The following SNTB2 variants were observed in gnomAD, a reference collection of about 807,000 sequenced individuals.
SNTB2 encodes the protein beta-2-syntrophin.
A neutral mutation model predicts 46.2 loss-of-function variants in SNTB2; 34 were observed. The ratio of observed to expected loss-of-function variants is 0.74; its 90% confidence interval spans 0.56 to 0.98. SNTB2 has a LOEUF of 0.98. SNTB2 is among the 50% of genes least tolerant of loss of function. The probability of loss-of-function intolerance (pLI) is 0.00; values close to 1 mark genes in which losing one functional copy is unlikely to be tolerated. For synonymous variants in SNTB2, 290 were observed against 312.6 expected (o/e 0.93, Z 0.76); for missense variants, 603 against 731.4 (o/e 0.82, Z 2.02).
At chr16:69,264,981 G>A (rs894600624) in intron 3 of SNTB2, among the ~76,000 whole-genome samples, 1 of 152,232 alleles carries the variant, frequency 6.6e-6, no homozygotes, top group African/African-American at 2.4e-5. Flanking sequence ...CGGGCACGGT[G>A]GCTCATGCCT....
At chr16:69,289,149 A>G (rs1260288677) in intron 5 of SNTB2, among the ~76,000 whole-genome samples, 1 of 151,924 alleles carries the variant, frequency 6.6e-6, no homozygotes, top group Admixed American at 6.6e-5. Flanking sequence ...CATGCCTGTA[A>G]TCCCTGCTAC....
intron 4 of SNTB2, among the ~76,000 whole-genome samples, chr16:69,282,801 A>G (rs781306974): frequency 2.6e-5 from 4 of 152,318 alleles, no homozygotes; most frequent in East Asian, 1.9e-4. Flanking sequence ...TAGAGATTCT[A>G]TACATATTTT....
chr16:69,198,047 A>G (rs771922957), intron 1 of SNTB2, among the ~76,000 whole-genome samples: 11 of 152,060 alleles, frequency 7.2e-5, no homozygotes, highest in Non-Finnish European at 1.3e-4. Flanking sequence ...ATTCTTCACC[A>G]GAGATGTTTT....
chr16:69,194,394 G>GT (rs986542306), intron 1 of SNTB2, among the ~76,000 whole-genome samples: 15 of 152,066 alleles, frequency 9.9e-5, no homozygotes, highest in Non-Finnish European at 2.1e-4. Context: ...TTTTGTAGCT[G>GT]TAACATTTAA....
chr16:69,209,383 T>A lies in SNTB2; in HGVS notation c.580+21637T>A, dbSNP rs546521598. 2.0e-5 allele frequency among the ~76,000 whole-genome samples: 3 copies of A among 152,364 alleles called. No homozygotes were observed. The South Asian group carries it at 6.2e-4, about 32-fold the overall frequency. ...TACCAATTCCATTATTATCTGTGTGTATACATGCCTTTTACTATAAGCTTG... is the reference window on the plus strand; with the variant it reads ...TACCAATTCCATTATTATCTGTGTGAATACATGCCTTTTACTATAAGCTTG... On this transcript the variant is annotated intron_variant, in intron 1 of 6. Coordinates refer to ENST00000336278, the MANE Select transcript of SNTB2 (RefSeq NM_006750.4).
rs185426805 is a variant in SNTB2, at chr16:69,257,487, C to G, written c.795-2563C>G. Among the ~76,000 whole-genome samples the G allele has an allele frequency of 4.8e-3, 727 of 151,740 alleles. 3 individuals are homozygous for G. The highest frequency in any genetic ancestry group is 0.017 in the African/African-American group (709 of 41,400). ...CTTGAGACGGAGTCTTGCTCTGCTG[C>G]CCAGGCTGGAGTGCAGTGGCATGAT... On this transcript the variant is annotated intron_variant, in intron 2 of 6. Transcript: ENST00000336278.
At chr16:69,258,248 TTTC>T (rs1245383846) in intron 2 of SNTB2, among the ~76,000 whole-genome samples, 1 of 152,228 alleles carries the variant, frequency 6.6e-6, no homozygotes, top group Admixed American at 6.5e-5. Flanking sequence ...AGGCTTTTTT[TTTC>T]CATTTTAAAA....
chr16:69,219,652 G>C (rs1192071193), intron 1 of SNTB2, among the ~76,000 whole-genome samples: 1 of 152,120 alleles, frequency 6.6e-6, no homozygotes, highest in African/African-American at 2.4e-5. Flanking sequence ...CGTCTCATTT[G>C]GTTGTAAATT....
At chr16:69,281,558 A>T (rs1965047071) in intron 4 of SNTB2, among the ~76,000 whole-genome samples, 2 of 150,836 alleles carry the variant, frequency 1.3e-5, no homozygotes, top group Non-Finnish European at 2.9e-5. Flanking sequence ...TTGAAAAGAC[A>T]GACGATTCTT....
chr16:69,286,042 C>T (rs1272123786), intron 5 of SNTB2, among the ~76,000 whole-genome samples: 1 of 152,134 alleles, frequency 6.6e-6, no homozygotes, highest in African/African-American at 2.4e-5. Flanking sequence ...ATCCACCGAC[C>T]TCAGGTGATC....
Position 69,301,086 on chromosome 16 carries a change from C to T in SNTB2, c.*162C>T, listed in dbSNP as rs1965274457. ...ATAACCGTGTTTAAAGAAGAGCCTACCTTTCACAGTCTACCTTGGCCAGAT... is the reference window on the plus strand; with the variant it reads ...ATAACCGTGTTTAAAGAAGAGCCTATCTTTCACAGTCTACCTTGGCCAGAT... On this transcript the variant is annotated 3_prime_UTR_variant, in exon 7 of 7. Transcript: ENST00000336278. 1 of 577,160 alleles carries T rather than the reference C, an allele frequency of 1.7e-6. No individual in the cohort carries two copies. The highest frequency in any genetic ancestry group is 3.1e-6 in the Non-Finnish European group (1 of 321,544). 35.8% of individuals were successfully genotyped at this position (577,160 alleles called of 1,614,324 possible). A position where few individuals can be genotyped will look rare whatever the true frequency, so the allele number is the denominator to read the frequency against.
chr16:69,284,092 C>G lies in SNTB2; in HGVS notation c.1193C>G (p.Ser398Cys). Residue 398 changes from serine to cysteine, a missense_variant, in exon 5 of 7, where the codon TCT (serine) becomes TGT (cysteine). Ser to Cys is a moderately radical substitution (Grantham distance 112). This residue lies in a region of SNTB2 where 537 missense variants were observed against 692.4 expected (regional missense o/e 0.78). Coordinates refer to ENST00000336278, the MANE Select transcript of SNTB2 (RefSeq NM_006750.4). ...GSGCRSPSLG[S>C]DLTFATRTGS... ...GGATGTCGATCCCCCTCCCTTGGAT[C>G]TGACCTTACATTTGCTACCAGGACA... is the stretch of plus-strand genomic sequence containing the variant. 1.9e-6 allele frequency: 3 copies of G among 1,613,932 alleles called. No homozygotes were observed. Among genetic ancestry groups the G allele is most frequent in the Non-Finnish European group, 2.5e-6 (3 of 1,179,934 alleles).
chr16:69,244,607 T>C (rs1199434018), intron 1 of SNTB2, among the ~76,000 whole-genome samples: 3 of 152,232 alleles, frequency 2.0e-5, no homozygotes, highest in Non-Finnish European at 4.4e-5. Flanking sequence ...AAGTATTTTA[T>C]GAGTTTTAAA....
chr16:69,216,141 C>T (rs1964345086), intron 1 of SNTB2, among the ~76,000 whole-genome samples: 1 of 152,108 alleles, frequency 6.6e-6, no homozygotes, highest in Non-Finnish European at 1.5e-5. Context: ...GATAATACTT[C>T]TTGGAAGGAG....
At chr16:69,236,350 A>C (rs2152295635) in intron 1 of SNTB2, among the ~76,000 whole-genome samples, 1 of 152,046 alleles carries the variant, frequency 6.6e-6, no homozygotes, top group East Asian at 1.9e-4. Context: ...GGCATGAGAG[A>C]AGGGAAGAGG....
At chr16:69,267,430 C>G (rs1224133630) in intron 3 of SNTB2, among the ~76,000 whole-genome samples, 1 of 152,126 alleles carries the variant, frequency 6.6e-6, no homozygotes, top group African/African-American at 2.4e-5. Context: ...TGAACATAAA[C>G]TTGAAATTTT....
intron 1 of SNTB2, among the ~76,000 whole-genome samples, chr16:69,233,132 G>C (rs1000702052): frequency 6.6e-6 from 1 of 152,272 alleles, no homozygotes. Flanking sequence ...GGCATGCTTG[G>C]TTTTCTTGTT....
intron 5 of SNTB2, among the ~76,000 whole-genome samples, chr16:69,287,878 A>ATG (rs1421564729): frequency 2.0e-5 from 3 of 151,684 alleles, no homozygotes; most frequent in Admixed American, 2.0e-4. Flanking sequence ...ATATATATAT[A>ATG]TATGTATATG....
At chr16:69,262,440 T>C (rs577470741) in intron 3 of SNTB2, among the ~76,000 whole-genome samples, 2 of 152,100 alleles carry the variant, frequency 1.3e-5, no homozygotes, top group South Asian at 4.2e-4. Flanking sequence ...TTTTACCGTT[T>C]AACTGGTTAT....
Sources: gnomAD v4.1 joint callset for allele counts (sites outside exome capture counted in the v4.1 genomes callset) on GRCh38, gnomAD v4.1.1 for gene constraint, gnomAD v4.1.1 regional missense constraint, MANE v1.5 for transcripts, NCBI Gene and HGNC (gene_info 2026-07-23, HGNC 2026-07-21) for gene names.